Variants in ADAMTS3 observed in about 807,000 individuals in gnomAD.
ADAMTS3 encodes the protein ADAM metallopeptidase with thrombospondin type 1 motif 3.
In ADAMTS3, 73 loss-of-function variants were observed where a neutral mutation model predicts 129.0. The ratio of observed to expected loss-of-function variants is 0.57; its 90% CI spans 0.47 to 0.69. The LOEUF (loss-of-function observed/expected upper bound fraction) is 0.69, where lower values mean the gene tolerates loss of function less well. Ranked by LOEUF, ADAMTS3 falls within the 30% of genes least tolerant of loss-of-function variation. The pLI is 0.00. For missense variants in ADAMTS3, 1,457 were observed against 1,514.5 expected, an observed-to-expected ratio of 0.96 and a Z score of 0.63; for synonymous variants, 477 against 510.8, an observed-to-expected ratio of 0.93 and a Z score of 0.89.
intron 5 of ADAMTS3, among the ~76,000 whole-genome samples, chr4:72,329,272 TAGA>T (rs1359493259): frequency 6.6e-6 from 1 of 152,014 alleles, no homozygotes; most frequent in Non-Finnish European, 1.5e-5. Flanking sequence ...AGTGACAAGA[TAGA>T]GGAGGACAAG....
chr4:72,533,722 A>T (rs577904697), intron 3 of ADAMTS3, among the ~76,000 whole-genome samples: 15 of 82,622 alleles, frequency 1.8e-4, no homozygotes, highest in Non-Finnish European at 3.4e-4. Context: ...GGTTATTTCC[A>T]CATCTCATTA....
At chr4:72,531,698 T>C (rs1256904472) in intron 3 of ADAMTS3, among the ~76,000 whole-genome samples, 1 of 152,194 alleles carries the variant, frequency 6.6e-6, no homozygotes, top group African/African-American at 2.4e-5. Context: ...AAAATGGCTT[T>C]AGAAACTCAC....
rs539561480 is a variant in ADAMTS3, at chr4:72,558,057, A to T, written c.98-9173T>A. On this transcript the variant is annotated intron_variant, in intron 2 of 21. Transcript: ENST00000286657. Reference sequence around the variant, plus strand: ...TTTGAAAGATTAATATTGAGTATAGAATTTGAAGCTATAAAAATTAACATT... The same window carrying T: ...TTTGAAAGATTAATATTGAGTATAGTATTTGAAGCTATAAAAATTAACATT... Among the ~76,000 whole-genome samples the T allele has an allele frequency of 2.3e-3, 354 of 151,968 alleles. 11 individuals are homozygous for T. Among genetic ancestry groups the T allele is most frequent in the African/African-American group, 8.0e-3 (330 of 41,242 alleles).
Position 72,565,517 on chromosome 4 carries a change from A to G in ADAMTS3, c.97+1857T>C, listed in dbSNP as rs1038487567. Reference sequence around the variant, plus strand: ...ATGATACATAAACCAAAGTGAAATGATAGTTATACTTTTGCTATCACAAGA... The same window carrying G: ...ATGATACATAAACCAAAGTGAAATGGTAGTTATACTTTTGCTATCACAAGA... On this transcript the variant is annotated intron_variant, in intron 2 of 21. Coordinates refer to ENST00000286657, the MANE Select transcript of ADAMTS3 (RefSeq NM_014243.3). Among the ~76,000 whole-genome samples, 8 of 152,344 alleles carry G rather than the reference A, an allele frequency of 5.3e-5. No homozygotes were observed. The East Asian group carries it at 1.2e-3, about 22-fold the overall frequency.
chr4:72,494,306 T>C (rs1262561628), intron 3 of ADAMTS3, among the ~76,000 whole-genome samples: 1 of 152,120 alleles, frequency 6.6e-6, no homozygotes, highest in East Asian at 1.9e-4. Context: ...CTCCAAACCA[T>C]GGGTCCTCAC....
rs1302005496 is a variant in ADAMTS3, at chr4:72,303,968, G to A, written c.2373C>T (p.Asp791=). Residue 791 remains aspartate (D), a synonymous_variant, in exon 17 of 22, where the codon GAC becomes GAT. Transcript: ENST00000286657. ...GTCCATCGGTGTGAAGACTTTCAAT[G>A]TCATCTTCAATGTTATAATCCCACT... The part of the protein sequence containing the change: ...GVEWDYNIED[D]IESLHTDGPL... 1.2e-5 allele frequency: 19 copies of A among 1,613,632 alleles called. No homozygotes were observed. The highest frequency in any genetic ancestry group is 1.6e-5 in the Non-Finnish European group (19 of 1,179,690).
At chr4:72,441,548 A>G (rs942613271) in intron 3 of ADAMTS3, 17 of 151,692 alleles carry the variant, frequency 1.1e-4, no homozygotes, top group African/African-American at 4.1e-4. Context: ...AGTCTAGTTT[A>G]TCTATGGTTT....
At chr4:72,376,155 G>A (rs2109872973) in intron 4 of ADAMTS3, among the ~76,000 whole-genome samples, 1 of 152,192 alleles carries the variant, frequency 6.6e-6, no homozygotes, top group African/African-American at 2.4e-5. Context: ...AAAGAATAAT[G>A]CCTTAGTGTG....
chr4:72,319,186 T>C (rs917410241), intron 9 of ADAMTS3, 146 bp downstream of exon 9: 2 of 903,606 alleles, frequency 2.2e-6, no homozygotes. Context: ...AAAATTTTTG[T>C]GCTGAATGTT....
chr4:72,334,463 A>G (rs1047356594), intron 5 of ADAMTS3, among the ~76,000 whole-genome samples: 1 of 152,186 alleles, frequency 6.6e-6, no homozygotes, highest in African/African-American at 2.4e-5. Context: ...TCAAGGAACA[A>G]TCAACCTATT....
intron 3 of ADAMTS3, among the ~76,000 whole-genome samples, chr4:72,424,662 A>G (rs1370128630): frequency 6.6e-6 from 1 of 150,910 alleles, no homozygotes; most frequent in Admixed American, 6.7e-5. Context: ...ACCTTTCTCA[A>G]TATCATACCC....
intron 8 of ADAMTS3, among the ~76,000 whole-genome samples, 175 bp from the exon 9 acceptor site, chr4:72,319,650 T>C (rs923107669): frequency 3.9e-5 from 6 of 152,220 alleles, no homozygotes; most frequent in East Asian, 1.9e-4. Flanking sequence ...TCTTATTCTA[T>C]AGCTCTGAAA....
chr4:72,290,334 C>G (rs1405270984), intron 20 of ADAMTS3, among the ~76,000 whole-genome samples: 2 of 152,096 alleles, frequency 1.3e-5, no homozygotes, highest in East Asian at 3.9e-4. Flanking sequence ...GGAAAGGTAC[C>G]ACCTGGAAGG....
chr4:72,550,847 C>T (rs1259250125), intron 2 of ADAMTS3, among the ~76,000 whole-genome samples: 4 of 152,118 alleles, frequency 2.6e-5, no homozygotes, highest in East Asian at 1.9e-4. Context: ...TGTATGTGTA[C>T]TGACAAAACA....
Position 72,359,952 on chromosome 4 carries a change from G to C in ADAMTS3, c.662-20259C>G, listed in dbSNP as rs192213490. On this transcript the variant is annotated intron_variant, in intron 4 of 21. Coordinates refer to ENST00000286657, the MANE Select transcript of ADAMTS3 (RefSeq NM_014243.3). Reference sequence around the variant, plus strand: ...TACACTTTTCATTATAAAACATTAGGGATAATTATTCAAATAAGAGGAAGG... The same window carrying C: ...TACACTTTTCATTATAAAACATTAGCGATAATTATTCAAATAAGAGGAAGG... 2.9e-3 allele frequency among the ~76,000 whole-genome samples: 440 copies of C among 151,876 alleles called. 8 individuals carry two copies. Among genetic ancestry groups the C allele is most frequent in the Admixed American group, 0.024 (367 of 15,198 alleles).
chr4:72,394,467 T>C (rs1486668005), intron 4 of ADAMTS3, among the ~76,000 whole-genome samples: 1 of 152,208 alleles, frequency 6.6e-6, no homozygotes, highest in South Asian at 2.1e-4. Context: ...TGTCTTAAGT[T>C]CATGGGCCTC....
intron 4 of ADAMTS3, among the ~76,000 whole-genome samples, chr4:72,379,075 C>G (rs1188608007): frequency 6.6e-6 from 1 of 152,154 alleles, no homozygotes; most frequent in Non-Finnish European, 1.5e-5. Flanking sequence ...GCATGTCTGT[C>G]TACCACTTCA....
At chr4:72,289,476 T>G (rs1004972200) in intron 20 of ADAMTS3, among the ~76,000 whole-genome samples, 2 of 152,130 alleles carry the variant, frequency 1.3e-5, no homozygotes, top group Non-Finnish European at 2.9e-5. Flanking sequence ...AAAACTAAGC[T>G]CAGAAAGTTC....
intron 3 of ADAMTS3, among the ~76,000 whole-genome samples, chr4:72,528,669 T>A (rs1720879326): frequency 6.6e-6 from 1 of 152,008 alleles, no homozygotes; most frequent in Non-Finnish European, 1.5e-5. Flanking sequence ...TTATATAAAA[T>A]CTTAGGTACC....
Sources: gnomAD v4.1 joint callset for allele counts (sites outside exome capture counted in the v4.1 genomes callset) on GRCh38, gnomAD v4.1.1 for gene constraint, MANE v1.5 for transcripts, NCBI Gene and HGNC (gene_info 2026-07-23, HGNC 2026-07-21) for gene names.